COMMD10: variants seen among roughly 807,000 people sequenced by gnomAD.
The protein encoded by COMMD10 is COMM domain-containing protein 10.
COMMD10 carries 33 observed loss-of-function variants against 28.9 expected under a neutral mutation model. The observed-to-expected ratio is 1.14, with a 90% CI of 0.87 to 1.53. The LOEUF (loss-of-function observed/expected upper bound fraction) is 1.53. Ranked by LOEUF, COMMD10 falls within the 40% of genes most tolerant of loss-of-function variation. The pLI, the probability that COMMD10 is intolerant of heterozygous loss-of-function variation, is 0.00. For missense variants in COMMD10, 310 were observed against 233.4 expected, an observed-to-expected ratio of 1.33 and a Z score of -2.14; for synonymous variants, 110 against 81.7, an observed-to-expected ratio of 1.35 and a Z score of -1.87.
intron 5 of COMMD10, among the ~76,000 whole-genome samples, chr5:116,208,800 G>A (rs1322986583): frequency 6.6e-6 from 1 of 152,080 alleles, no homozygotes; most frequent in African/African-American, 2.4e-5. Context: ...GGATGTAGAG[G>A]CATACATACA....
At chr5:116,244,179 G>A (rs1170975816) in intron 5 of COMMD10, among the ~76,000 whole-genome samples, 4 of 152,008 alleles carry the variant, frequency 2.6e-5, no homozygotes, top group African/African-American at 9.7e-5. Flanking sequence ...GGTTGAGGTA[G>A]GGACTGGTAA....
chr5:116,229,321 C>A (rs1183602746), intron 5 of COMMD10, among the ~76,000 whole-genome samples: 4 of 151,946 alleles, frequency 2.6e-5, no homozygotes, highest in Admixed American at 2.6e-4. Context: ...AATAAAACCA[C>A]TTGAACTGGC....
chr5:116,211,530 TG>T (rs1452681997), intron 5 of COMMD10, among the ~76,000 whole-genome samples: 1 of 152,182 alleles, frequency 6.6e-6, no homozygotes, highest in Non-Finnish European at 1.5e-5. Context: ...GGGCCACCAT[TG>T]TATGTGCAGT....
intron 4 of COMMD10, among the ~76,000 whole-genome samples, chr5:116,118,648 G>C (rs962820665): frequency 2.6e-5 from 4 of 151,664 alleles, no homozygotes; most frequent in African/African-American, 4.8e-5. Flanking sequence ...TATGGCTCTT[G>C]AATTTTGCTA....
chr5:116,106,918 T>G (rs1359727837), intron 4 of COMMD10, among the ~76,000 whole-genome samples: 1 of 152,164 alleles, frequency 6.6e-6, no homozygotes, highest in African/African-American at 2.4e-5. Context: ...CAATGAGTCT[T>G]GACTCTTTAT....
chr5:116,268,767 A>G (rs1008759626), intron 5 of COMMD10, among the ~76,000 whole-genome samples: 1 of 151,946 alleles, frequency 6.6e-6, no homozygotes, highest in African/African-American at 2.4e-5. Context: ...CTGTGCAGCC[A>G]TAAAAAAGGA....
chr5:116,210,400 C>A (rs375420751), intron 5 of COMMD10, among the ~76,000 whole-genome samples: 2 of 151,546 alleles, frequency 1.3e-5, no homozygotes, highest in Non-Finnish European at 1.5e-5. Context: ...GTTTATAGAT[C>A]TTTTTCTTAG....
intron 5 of COMMD10, among the ~76,000 whole-genome samples, chr5:116,242,392 A>G (rs1374981592): frequency 6.6e-6 from 1 of 152,216 alleles, no homozygotes; most frequent in African/African-American, 2.4e-5. Flanking sequence ...ACACATGTTT[A>G]TAGATGGTTA....
intron 5 of COMMD10, among the ~76,000 whole-genome samples, chr5:116,267,971 T>G (rs1402079431): frequency 1.3e-5 from 2 of 151,798 alleles, no homozygotes; most frequent in Non-Finnish European, 2.9e-5. Flanking sequence ...AAGACTTACA[T>G]GTTAGACCTA....
At chr5:116,185,475 AT>A in intron 5 of COMMD10, among the ~76,000 whole-genome samples, 1 of 151,138 alleles carries the variant, frequency 6.6e-6, no homozygotes, top group East Asian at 2.0e-4. Flanking sequence ...CAAGCAGTCT[AT>A]TTCTTGGCTT....
chr5:116,258,985 C>A (rs947479402), intron 5 of COMMD10, among the ~76,000 whole-genome samples: 1 of 151,250 alleles, frequency 6.6e-6, no homozygotes, highest in Non-Finnish European at 1.5e-5. Context: ...TATATTTCCT[C>A]ATTTTGCAGG....
chr5:116,203,391 G>A (rs1215457163), intron 5 of COMMD10, among the ~76,000 whole-genome samples: 1 of 151,870 alleles, frequency 6.6e-6, no homozygotes, highest in Admixed American at 6.6e-5. Flanking sequence ...TACAGAGAAC[G>A]CCACAAAGAT....
intron 5 of COMMD10, among the ~76,000 whole-genome samples, chr5:116,245,269 A>C (rs1749912175): frequency 6.6e-6 from 1 of 152,082 alleles, no homozygotes; most frequent in Non-Finnish European, 1.5e-5. Flanking sequence ...ATTCCTCAAC[A>C]CAGCTACCCT....
At chr5:116,222,566 C>A (rs1361674416) in intron 5 of COMMD10, among the ~76,000 whole-genome samples, 1 of 152,102 alleles carries the variant, frequency 6.6e-6, no homozygotes, top group Non-Finnish European at 1.5e-5. Context: ...ATTTAATGTT[C>A]TTTTCAGGAA....
At position 116,267,960 on chromosome 5, in the gene COMMD10, A is replaced by C. The variant is rs1017763925; in HGVS notation, c.511-23557A>C. 5.9e-5 allele frequency among the ~76,000 whole-genome samples: 9 copies of C among 151,872 alleles called. 2 individuals carry two copies. Among genetic ancestry groups the C allele is most frequent in the African/African-American group, 2.2e-4 (9 of 41,166 alleles). Reference sequence around the variant, plus strand: ...TACAAAAATTAATTCGAGATGGATTAAAGACTTACATGTTAGACCTAAAAC... The same window carrying C: ...TACAAAAATTAATTCGAGATGGATTCAAGACTTACATGTTAGACCTAAAAC... On this transcript the variant is annotated intron_variant, in intron 5 of 6. Transcript: ENST00000274458.
At chr5:116,152,145 G>T (rs1322463689) in intron 5 of COMMD10, among the ~76,000 whole-genome samples, 1 of 152,158 alleles carries the variant, frequency 6.6e-6, no homozygotes, top group African/African-American at 2.4e-5. Flanking sequence ...AAGTTGTTCA[G>T]TTTCCATGTA....
chr5:116,157,326 A>C (rs1186497546), intron 5 of COMMD10, among the ~76,000 whole-genome samples: 1 of 152,188 alleles, frequency 6.6e-6, no homozygotes, highest in Non-Finnish European at 1.5e-5. Flanking sequence ...TAAAACAATA[A>C]CCATTTATTA....
intron 5 of COMMD10, among the ~76,000 whole-genome samples, chr5:116,183,141 T>G (rs977010548): frequency 1.3e-5 from 2 of 152,124 alleles, no homozygotes; most frequent in Non-Finnish European, 2.9e-5. Flanking sequence ...ATAAAGAGAT[T>G]GTTGGTGAGA....
At chr5:116,253,441 G>A (rs1260196641) in intron 5 of COMMD10, among the ~76,000 whole-genome samples, 3 of 151,346 alleles carry the variant, frequency 2.0e-5, no homozygotes, top group Admixed American at 6.6e-5. Context: ...ATTTGTCATA[G>A]ATAGCTCTTA....
Sources: gnomAD v4.1 joint callset for allele counts (sites outside exome capture counted in the v4.1 genomes callset) on GRCh38, gnomAD v4.1.1 for gene constraint, MANE v1.5 for transcripts, NCBI Gene and HGNC (gene_info 2026-07-23, HGNC 2026-07-21) for gene names.